The following CTPS2 variants were observed in gnomAD, a reference collection of about 807,000 sequenced individuals.
The protein encoded by CTPS2 is CTP synthase II.
Under a neutral mutation model 46.8 loss-of-function variants are expected in CTPS2, and 19 were observed. That is an observed-to-expected ratio of 0.41 (90% confidence interval 0.28 to 0.60). CTPS2 has a LOEUF of 0.60. Among genes scored for constraint, CTPS2 ranks in the 20% least tolerant of loss-of-function variants. The probability of loss-of-function intolerance (pLI) is 0.35; values close to 1 mark genes in which losing one functional copy is unlikely to be tolerated. For synonymous variants in CTPS2, 151 were observed against 165.2 expected, an observed-to-expected ratio of 0.91 and a Z score of 0.66; for missense variants, 286 against 447.6, an observed-to-expected ratio of 0.64 and a Z score of 3.26.
At position 16,685,410 on chromosome X, in the gene CTPS2, G is replaced by A. The variant is rs777020346; in HGVS notation, c.873-2184C>T. On this transcript the variant is annotated intron_variant, in intron 8 of 18. Coordinates refer to ENST00000359276, the MANE Select transcript of CTPS2 (RefSeq NM_175859.3). Reference sequence around the variant, plus strand: ...GGAGCTCTCATTCCCCCTTGGACCTGTACTTCCGAGAGCAACCAAGGTCTC... The same window carrying A: ...GGAGCTCTCATTCCCCCTTGGACCTATACTTCCGAGAGCAACCAAGGTCTC... Among the ~76,000 whole-genome samples the A allele has an allele frequency of 3.6e-5, 4 of 111,088 alleles. No homozygotes were observed. The South Asian group carries it at 1.5e-3, about 43-fold the overall frequency.
intron 13 of CTPS2, among the ~76,000 whole-genome samples, chrX:16,648,818 G>A (rs999886420): frequency 8.9e-6 from 1 of 112,174 alleles, no homozygotes; most frequent in Non-Finnish European, 1.9e-5. Flanking sequence ...AATTCTATTA[G>A]ATTTCCCATT....
At chrX:16,696,690 C>A (rs997446954) in intron 4 of CTPS2, among the ~76,000 whole-genome samples, 2 of 110,829 alleles carry the variant, frequency 1.8e-5, no homozygotes, top group Non-Finnish European at 3.8e-5. Flanking sequence ...CACTCCAGCC[C>A]GAGGCAACAT....
chrX:16,702,042 GTTTT>G (rs1420630945), intron 2 of CTPS2, among the ~76,000 whole-genome samples: 1 of 110,060 alleles, frequency 9.1e-6, no homozygotes. Flanking sequence ...GTTTTTTGTT[GTTTT>G]TGTTTGTTTG....
At chrX:16,689,724 A>G (rs1923535871) in intron 7 of CTPS2, 123 bp from the exon 8 acceptor site, 2 of 552,491 alleles carry the variant, frequency 3.6e-6, no homozygotes, top group Non-Finnish European at 2.8e-6. Context: ...ACACACACGC[A>G]CACACAAAAA....
intron 13 of CTPS2, chrX:16,654,755 AAGAG>A (rs79064086): frequency 1.4e-3 from 208 of 145,970 alleles, no homozygotes; most frequent in Middle Eastern, 5.3e-3. Context: ...AGATTTAAAA[AAGAG>A]AGAGAGAGAG....
intron 14 of CTPS2, 193 bp downstream of exon 14, chrX:16,638,954 C>T (rs1457962651): frequency 5.5e-6 from 3 of 542,262 alleles, no homozygotes; most frequent in Admixed American, 2.3e-5. Flanking sequence ...GCCCAAGGGA[C>T]AAGCTTACTA....
chrX:16,640,811 T>C (rs1321658922), intron 13 of CTPS2, among the ~76,000 whole-genome samples: 2 of 111,666 alleles, frequency 1.8e-5, no homozygotes, highest in African/African-American at 6.5e-5. Flanking sequence ...TTGCCACATA[T>C]TGCTCTACAG....
chrX:16,697,939 GC>G (rs1774863941), intron 4 of CTPS2, among the ~76,000 whole-genome samples: 1 of 111,377 alleles, frequency 9.0e-6, no homozygotes, highest in African/African-American at 3.3e-5. Context: ...CCCATCCCAG[GC>G]CCCGGCACAG....
chrX:16,630,402 G>T (rs1163560859), intron 14 of CTPS2, among the ~76,000 whole-genome samples: 2 of 109,167 alleles, frequency 1.8e-5, no homozygotes, highest in African/African-American at 6.7e-5. Context: ...TTACAGGCAT[G>T]TGCCACCACG....
chrX:16,645,133 C>A (rs1367827528), intron 13 of CTPS2, among the ~76,000 whole-genome samples: 1 of 110,385 alleles, frequency 9.1e-6, no homozygotes, highest in Non-Finnish European at 1.9e-5. Context: ...CAGGCGCCCG[C>A]CACCATGCCC....
chrX:16,692,885 C>G (rs1475708068), intron 6 of CTPS2, among the ~76,000 whole-genome samples: 1 of 109,612 alleles, frequency 9.1e-6, no homozygotes, highest in Non-Finnish European at 1.9e-5. Context: ...TGACAAAACT[C>G]TGTCTCTACT....
chrX:16,615,886 G>A (rs1179209596), intron 16 of CTPS2, among the ~76,000 whole-genome samples: 2 of 111,756 alleles, frequency 1.8e-5, no homozygotes, highest in African/African-American at 6.5e-5. Context: ...CCTTATGATG[G>A]GTAAGAAGGT....
chrX:16,693,791 G>T (rs1465385219), intron 4 of CTPS2, among the ~76,000 whole-genome samples: 2 of 107,734 alleles, frequency 1.9e-5, no homozygotes, highest in Admixed American at 1.0e-4. Context: ...CCCTTTCTCT[G>T]AAAAAATATA....
chrX:16,668,860 C>G (rs1921469487), intron 11 of CTPS2, among the ~76,000 whole-genome samples: 1 of 110,778 alleles, frequency 9.0e-6, no homozygotes, highest in Non-Finnish European at 1.9e-5. Context: ...AATCTGCCAC[C>G]TTCTAGATTT....
intron 14 of CTPS2, 62 bp from the exon 15 acceptor site, chrX:16,620,394 T>C: frequency 1.1e-6 from 1 of 900,669 alleles, no homozygotes; most frequent in Non-Finnish European, 1.6e-6. Context: ...ACATCCATGA[T>C]GCTTTGTGGA....
chrX:16,708,782 G>A (rs911108858), intron 1 of CTPS2, among the ~76,000 whole-genome samples: 16 of 111,692 alleles, frequency 1.4e-4, no homozygotes, highest in East Asian at 2.8e-4. Context: ...GAAAAATGCC[G>A]TAGAGGTATG....
chrX:16,657,960 C>A (rs1316837288), intron 13 of CTPS2, among the ~76,000 whole-genome samples: 1 of 111,985 alleles, frequency 8.9e-6, no homozygotes, highest in Admixed American at 9.5e-5. Flanking sequence ...AATCCCACCA[C>A]TTTGGGAGGC....
intron 1 of CTPS2, among the ~76,000 whole-genome samples, chrX:16,711,229 T>C (rs927327685): frequency 8.9e-6 from 1 of 112,510 alleles, no homozygotes. Flanking sequence ...TAACCCAATG[T>C]AGCCAAAAAT....
chrX:16,595,051 T>C (rs1408595740), intron 17 of CTPS2, among the ~76,000 whole-genome samples: 2 of 112,152 alleles, frequency 1.8e-5, no homozygotes, highest in Non-Finnish European at 3.8e-5. Flanking sequence ...TCATTTCTGT[T>C]TCACACAGAA....
Sources: gnomAD v4.1 joint callset for allele counts (sites outside exome capture counted in the v4.1 genomes callset) on GRCh38, gnomAD v4.1.1 for gene constraint, MANE v1.5 for transcripts, NCBI Gene and HGNC (gene_info 2026-07-23, HGNC 2026-07-21) for gene names.